Variants in PRR16 observed in about 807,000 individuals in gnomAD.
PRR16 encodes the protein proline rich 16, also known as protein Largen.
In PRR16, 6 loss-of-function variants were observed where a neutral mutation model predicts 18.2. That is an observed-to-expected ratio of 0.33 (90% CI 0.18 to 0.65). PRR16 has a LOEUF of 0.65. Ranked by LOEUF, PRR16 falls within the 30% of genes least tolerant of loss-of-function variation. The probability of loss-of-function intolerance (pLI) is 0.74; values close to 1 mark genes in which losing one functional copy is unlikely to be tolerated. For synonymous variants in PRR16, 151 were observed against 147.8 expected, an observed-to-expected ratio of 1.02 and a Z score of -0.16; for missense variants, 412 against 376.6, an observed-to-expected ratio of 1.09 and a Z score of -0.78.
At position 120,630,727 on chromosome 5, in the gene PRR16, C is replaced by A. The variant is rs529928611; in HGVS notation, c.160-55227C>A. On this transcript the variant is annotated intron_variant, in intron 1 of 1. Coordinates refer to ENST00000407149, the MANE Select transcript of PRR16 (RefSeq NM_001300783.2). Reference sequence around the variant, plus strand: ...TGAGATATCTCTACTTCCTCATTATCCGTGGTCTACATCAGTGTCAACCCC... The same window carrying A: ...TGAGATATCTCTACTTCCTCATTATACGTGGTCTACATCAGTGTCAACCCC... 5.3e-5 allele frequency among the ~76,000 whole-genome samples: 8 copies of A among 152,240 alleles called. No individual in the cohort carries two copies. In the South Asian group the frequency reaches 1.7e-3, roughly 32 times the overall value.
At chr5:120,557,218 G>T (rs1752442389) in intron 1 of PRR16, among the ~76,000 whole-genome samples, 1 of 151,750 alleles carries the variant, frequency 6.6e-6, no homozygotes, top group African/African-American at 2.4e-5. Context: ...TCTTTTCTGA[G>T]GTATTGATAT....
chr5:120,694,904 AT>A, the PRR16 span, among the ~76,000 whole-genome samples: 16 of 152,276 alleles, frequency 1.1e-4, no homozygotes, highest in East Asian at 1.9e-4. Flanking sequence ...TTTTAAAAAA[AT>A]ATCTAGGTTT....
the PRR16 span, among the ~76,000 whole-genome samples, chr5:120,747,234 G>T: frequency 6.6e-6 from 1 of 152,094 alleles, no homozygotes; most frequent in East Asian, 1.9e-4. Flanking sequence ...GGGGCTAAGG[G>T]GACAGCTGAG....
At chr5:120,733,326 T>A in the PRR16 span, among the ~76,000 whole-genome samples, 4 of 151,974 alleles carry the variant, frequency 2.6e-5, no homozygotes, top group African/African-American at 9.7e-5. Context: ...AGTTTAAAAT[T>A]TTTTAAAGAG....
At chr5:120,559,719 C>T (rs1043774375) in intron 1 of PRR16, among the ~76,000 whole-genome samples, 2 of 151,758 alleles carry the variant, frequency 1.3e-5, no homozygotes, top group South Asian at 2.1e-4. Flanking sequence ...TAGGAATTGG[C>T]GTTGAATCTG....
At chr5:120,700,621 C>T in the PRR16 span, among the ~76,000 whole-genome samples, 78,299 of 151,086 alleles carry the variant, frequency 0.52, 20,667 homozygotes, top group Middle Eastern at 0.58. Context: ...GAGTATTGTC[C>T]AAGTTGGCAC....
chr5:120,494,140 C>T (rs1750160788), intron 1 of PRR16, among the ~76,000 whole-genome samples: 1 of 152,134 alleles, frequency 6.6e-6, no homozygotes, highest in African/African-American at 2.4e-5. Flanking sequence ...ATATTATTTT[C>T]AGTCCTACCG....
At position 120,685,973 on chromosome 5, in the gene PRR16, C is replaced by A. The variant is rs1757104321; in HGVS notation, c.179C>A (p.Thr60Asn). The change falls in exon 2 of 2, where the codon ACC becomes AAC. Residue 60 changes from threonine (T) to asparagine (N), a missense_variant. Transcript: ENST00000407149. ...CACTAGGTGGTTGACCAGATTGACA[C>A]CCTGACCTCTGACCTACAGCTGGAG... is the stretch of plus-strand genomic sequence containing the variant. Reference protein sequence around the residue: ...ELKEVVDQIDTLTSDLQLEDE... With the variant: ...ELKEVVDQIDNLTSDLQLEDE... 6.2e-7 allele frequency: 1 copy of A among 1,613,556 alleles called. No homozygotes were observed. The highest frequency in any genetic ancestry group is 8.5e-7 in the Non-Finnish European group (1 of 1,179,700).
At chr5:120,761,180 A>G in the PRR16 span, among the ~76,000 whole-genome samples, 1 of 152,060 alleles carries the variant, frequency 6.6e-6, no homozygotes. Flanking sequence ...TTTTAAGCCT[A>G]TTTTAATTAA....
At chr5:120,770,944 TCTCTCTCA>T in the PRR16 span, among the ~76,000 whole-genome samples, 7 of 150,292 alleles carry the variant, frequency 4.7e-5, no homozygotes, top group East Asian at 2.0e-4. Context: ...TCTCTCTCTC[TCTCTCTCA>T]CACACACACA....
chr5:120,677,844 T>C (rs1438655614), intron 1 of PRR16, among the ~76,000 whole-genome samples: 1 of 151,774 alleles, frequency 6.6e-6, no homozygotes, highest in Non-Finnish European at 1.5e-5. Context: ...TGAAGAAAAG[T>C]ATATACTTAA....
At chr5:120,744,695 A>G in the PRR16 span, among the ~76,000 whole-genome samples, 2 of 152,224 alleles carry the variant, frequency 1.3e-5, no homozygotes, top group Non-Finnish European at 2.9e-5. Flanking sequence ...TGGACAACTT[A>G]GTCCACATTT....
chr5:120,553,026 C>T (rs574284920), intron 1 of PRR16, among the ~76,000 whole-genome samples: 2 of 151,906 alleles, frequency 1.3e-5, no homozygotes, highest in Non-Finnish European at 2.9e-5. Context: ...ACTCAGACTA[C>T]TTCCCTTTAA....
intron 1 of PRR16, among the ~76,000 whole-genome samples, chr5:120,621,950 T>C (rs17146854): frequency 0.013 from 2,006 of 152,308 alleles, 52 homozygotes; most frequent in African/African-American, 0.046. Context: ...ACTGGCTCAC[T>C]GTATTATTTC....
chr5:120,516,484 G>GACACACACAC (rs149936115), intron 1 of PRR16, among the ~76,000 whole-genome samples: 4,464 of 136,380 alleles, frequency 0.033, 81 homozygotes, highest in Non-Finnish European at 0.041. Context: ...AGGAGGGAAG[G>GACACACACAC]ACACACACAC....
chr5:120,614,757 C>G (rs1754451476), intron 1 of PRR16, among the ~76,000 whole-genome samples: 1 of 152,136 alleles, frequency 6.6e-6, no homozygotes, highest in Admixed American at 6.6e-5. Context: ...AGCCAACCAG[C>G]AGAACAGAAT....
chr5:120,707,496 T>C, the PRR16 span, among the ~76,000 whole-genome samples: 1 of 152,204 alleles, frequency 6.6e-6, no homozygotes, highest in African/African-American at 2.4e-5. Context: ...AGCCACATGT[T>C]CTATGGCTTT....
intron 1 of PRR16, among the ~76,000 whole-genome samples, chr5:120,537,852 A>C (rs1181111273): frequency 1.5e-4 from 22 of 143,418 alleles, no homozygotes; most frequent in South Asian, 4.3e-4. Context: ...TCTCGGCTCA[A>C]TGCAAGCTCC....
At chr5:120,658,617 T>G (rs961825539) in intron 1 of PRR16, among the ~76,000 whole-genome samples, 1 of 151,904 alleles carries the variant, frequency 6.6e-6, no homozygotes, top group Non-Finnish European at 1.5e-5. Flanking sequence ...GCTTTGAAAT[T>G]TGATGAAAGA....
Sources: gnomAD v4.1 joint callset for allele counts (sites outside exome capture counted in the v4.1 genomes callset) on GRCh38, gnomAD v4.1.1 for gene constraint, MANE v1.5 for transcripts, NCBI Gene and HGNC (gene_info 2026-07-23, HGNC 2026-07-21) for gene names.